The following ANKHD1 variants were observed in gnomAD, a reference collection of about 807,000 sequenced individuals.
ANKHD1 encodes the protein ankyrin repeat and KH domain containing 1.
In ANKHD1, 31 loss-of-function variants were observed where a neutral mutation model predicts 230.5. The ratio of observed to expected loss-of-function variants is 0.13; its 90% CI spans 0.10 to 0.18. The LOEUF (loss-of-function observed/expected upper bound fraction) is 0.18, where lower values mean the gene tolerates loss of function less well. Among genes scored for constraint, ANKHD1 ranks in the 10% least tolerant of loss-of-function variants. The pLI is 1.00. For synonymous variants in ANKHD1, 1,074 were observed against 1,117.6 expected (o/e 0.96, Z 0.78); for missense variants, 2,256 against 3,071.3 (o/e 0.73, Z 6.27).
intron 24 of ANKHD1, among the ~76,000 whole-genome samples, chr5:140,514,118 G>A (rs549830531): frequency 6.0e-5 from 9 of 151,146 alleles, no homozygotes; most frequent in East Asian, 1.9e-4. Context: ...CCAGGAGTTC[G>A]AGGCTCCAGT....
At chr5:140,477,856 C>T (rs963756238) in intron 10 of ANKHD1, among the ~76,000 whole-genome samples, 2 of 152,068 alleles carry the variant, frequency 1.3e-5, no homozygotes, top group East Asian at 1.9e-4. Flanking sequence ...GTGATCCACC[C>T]GCCTCGGCCT....
chr5:140,407,295 C>CAAA (rs372650696), intron 1 of ANKHD1, among the ~76,000 whole-genome samples: 5 of 120,460 alleles, frequency 4.2e-5, no homozygotes, highest in Non-Finnish European at 3.4e-5. Context: ...ACTCCATCTC[C>CAAA]AAAAAAAAAA....
chr5:140,458,907 T>A (rs780917334), intron 8 of ANKHD1, 45 bp downstream of exon 8: 1 of 1,513,778 alleles, frequency 6.6e-7, no homozygotes, highest in South Asian at 1.2e-5. Context: ...TTTCTTTGGA[T>A]GTTTTGTGTT....
chr5:140,479,681 A>G (rs1751162412), intron 10 of ANKHD1, among the ~76,000 whole-genome samples: 1 of 146,198 alleles, frequency 6.8e-6, no homozygotes, highest in South Asian at 2.1e-4. Context: ...TATTCCCATT[A>G]TATACATACA....
chr5:140,414,943 T>C (rs1274100998), intron 1 of ANKHD1, among the ~76,000 whole-genome samples: 1 of 152,256 alleles, frequency 6.6e-6, no homozygotes. Flanking sequence ...TAACAAATAT[T>C]TGCCTTCATT....
intron 9 of ANKHD1, among the ~76,000 whole-genome samples, chr5:140,463,602 G>A (rs1300444636): frequency 6.6e-6 from 1 of 152,086 alleles, no homozygotes; most frequent in Non-Finnish European, 1.5e-5. Flanking sequence ...CACCTTCGAA[G>A]GATGCTAAGG....
chr5:140,472,125 G>C, intron 10 of ANKHD1: 1 of 814,194 alleles, frequency 1.2e-6, no homozygotes, highest in Non-Finnish European at 2.0e-6. Context: ...TTTAGTTGAA[G>C]ATCCTGAGTT....
intron 15 of ANKHD1, among the ~76,000 whole-genome samples, chr5:140,499,068 C>CA (rs1752163371): frequency 6.6e-6 from 1 of 151,830 alleles, no homozygotes; most frequent in Non-Finnish European, 1.5e-5. Flanking sequence ...GTACAATATT[C>CA]TTTTATTAAT....
At chr5:140,403,580 AT>A (rs1770169281) in intron 1 of ANKHD1, among the ~76,000 whole-genome samples, 1 of 151,810 alleles carries the variant, frequency 6.6e-6, no homozygotes, top group East Asian at 1.9e-4. Flanking sequence ...CCCGGCTAAT[AT>A]TTTGTATTTT....
chr5:140,443,703 TACTC>T (rs896836814), intron 5 of ANKHD1, among the ~76,000 whole-genome samples: 8 of 146,698 alleles, frequency 5.5e-5, no homozygotes, highest in Non-Finnish European at 1.2e-4. Context: ...AAAAGAAAAA[TACTC>T]AAAAAAGAGG....
intron 1 of ANKHD1, among the ~76,000 whole-genome samples, chr5:140,405,922 C>T (rs1770399125): frequency 6.6e-6 from 1 of 151,974 alleles, no homozygotes; most frequent in South Asian, 2.1e-4. Context: ...TGTGAGCCAC[C>T]ATGCCTGGCC....
intron 30 of ANKHD1, among the ~76,000 whole-genome samples, chr5:140,536,766 G>C (rs1411479216): frequency 6.6e-6 from 1 of 152,170 alleles, no homozygotes; most frequent in East Asian, 1.9e-4. Flanking sequence ...GCTCACGTCT[G>C]TAATCCCAGC....
At chr5:140,482,558 A>AT (rs759263598) in intron 10 of ANKHD1, 22 bp from the exon 11 acceptor site, 1 of 1,608,594 alleles carries the variant, frequency 6.2e-7, no homozygotes, top group Non-Finnish European at 8.5e-7. Flanking sequence ...TTGATGGATT[A>AT]TTTTTTCCAT....
intron 7 of ANKHD1, among the ~76,000 whole-genome samples, chr5:140,450,997 C>T (rs977334552): frequency 6.6e-6 from 1 of 151,840 alleles, no homozygotes; most frequent in African/African-American, 2.4e-5. Flanking sequence ...TACTAAAATA[C>T]AAAAATTAGC....
At chr5:140,519,981 G>A (rs1474751481) in intron 24 of ANKHD1, among the ~76,000 whole-genome samples, 2 of 151,914 alleles carry the variant, frequency 1.3e-5, no homozygotes, top group Non-Finnish European at 2.9e-5. Context: ...TACTATCAGA[G>A]TGAACAGGCA....
At chr5:140,404,728 ATT>A (rs753895215) in intron 1 of ANKHD1, among the ~76,000 whole-genome samples, 20 of 135,562 alleles carry the variant, frequency 1.5e-4, no homozygotes, top group Non-Finnish European at 1.5e-4. Flanking sequence ...CCCGGCCTTA[ATT>A]TTTTTTTTTT....
At chr5:140,419,779 T>C (rs1038210069) in intron 1 of ANKHD1, among the ~76,000 whole-genome samples, 7 of 14,310 alleles carry the variant, frequency 4.9e-4, no homozygotes, top group African/African-American at 1.6e-3. Context: ...TTTCTTTTTC[T>C]TTCTTTCTTT....
intron 24 of ANKHD1, among the ~76,000 whole-genome samples, chr5:140,522,517 CT>C (rs1296271392): frequency 2.0e-5 from 3 of 152,118 alleles, no homozygotes. Flanking sequence ...AATAATCATA[CT>C]TTTTCTCTTT....
chr5:140,520,988 A>C (rs974266838), intron 24 of ANKHD1, among the ~76,000 whole-genome samples: 4 of 151,960 alleles, frequency 2.6e-5, no homozygotes, highest in Non-Finnish European at 4.4e-5. Flanking sequence ...TGGAAAAATT[A>C]AAACAAACAA....
Sources: gnomAD v4.1 joint callset for allele counts (sites outside exome capture counted in the v4.1 genomes callset) on GRCh38, gnomAD v4.1.1 for gene constraint, MANE v1.5 for transcripts, NCBI Gene and HGNC (gene_info 2026-07-23, HGNC 2026-07-21) for gene names.